The following DNMT3B variants were observed in gnomAD, a reference collection of about 807,000 sequenced individuals.
DNMT3B encodes DNA methyltransferase 3 beta, also known as DNA (cytosine-5)-methyltransferase 3B.
DNMT3B carries 37 observed loss-of-function variants against 120.2 expected under a neutral mutation model. That is an observed-to-expected ratio of 0.31 (90% confidence interval 0.24 to 0.40). DNMT3B has a LOEUF of 0.40. Ranked by LOEUF, DNMT3B falls within the 10% of genes least tolerant of loss-of-function variation. DNMT3B has a pLI of 1.00. For missense variants in DNMT3B, 878 were observed against 1,137.3 expected, an observed-to-expected ratio of 0.77 and a Z score of 3.28; for synonymous variants, 412 against 442.8, an observed-to-expected ratio of 0.93 and a Z score of 0.87.
At chr20:32,766,595 C>T (rs1987381690) in intron 1 of DNMT3B, among the ~76,000 whole-genome samples, 1 of 152,054 alleles carries the variant, frequency 6.6e-6, no homozygotes, top group African/African-American at 2.4e-5. Context: ...TTTTTATTTA[C>T]TTATTTATTT....
At chr20:32,784,621 A>T in intron 3 of DNMT3B, 137 bp from the exon 4 acceptor site, 1 of 882,016 alleles carries the variant, frequency 1.1e-6, no homozygotes, top group East Asian at 2.6e-5. Context: ...CTGCACCCAT[A>T]TGCAGTGTGT....
chr20:32,798,653 A>G lies in DNMT3B; in HGVS notation c.1674+10A>G. The G allele has an allele frequency of 6.2e-7, 1 of 1,610,174 alleles. No individual in the cohort carries two copies. The highest frequency in any genetic ancestry group is 1.1e-5 in the South Asian group (1 of 90,988). ...CACGGGGCTTGAATATGTAAGCCAC[A>G]GGCTCCCGCCTCTACCACCACAGAT... On this transcript the variant is annotated intron_variant, in intron 15 of 22. Coordinates refer to ENST00000328111, the MANE Select transcript of DNMT3B (RefSeq NM_006892.4).
chr20:32,793,391 C>T, intron 9 of DNMT3B, 145 bp from the exon 10 acceptor site: 1 of 908,532 alleles, frequency 1.1e-6, no homozygotes, highest in Non-Finnish European at 1.7e-6. Context: ...TGGCTTGAGC[C>T]CAGGAGGCAG....
In DNMT3B at chr20:32,780,250, C is replaced by G. The variant is rs1216158438; in HGVS notation, c.-6-68C>G. The stretch of plus-strand genomic sequence containing the variant: ...TGGCCTGAGAACACAGAGCCCATGG[C>G]GGGGGAACACTGTCCCTCTCATGTC... On this transcript the variant is annotated intron_variant, in intron 1 of 22. Transcript: ENST00000328111. 2.5e-6 allele frequency: 4 copies of G among 1,613,064 alleles called. No individual in the cohort carries two copies. The South Asian group carries it at 4.4e-5, about 18-fold the overall frequency.
chr20:32,763,314 G>A (rs1211332711), intron 1 of DNMT3B, among the ~76,000 whole-genome samples: 1 of 152,186 alleles, frequency 6.6e-6, no homozygotes, highest in Non-Finnish European at 1.5e-5. Flanking sequence ...GCCGTGGAGG[G>A]CGTGAGGCAG....
chr20:32,804,358 G>A (rs560635679), intron 20 of DNMT3B, among the ~76,000 whole-genome samples: 24 of 152,310 alleles, frequency 1.6e-4, no homozygotes, highest in African/African-American at 4.6e-4. Context: ...GGTCCATGTC[G>A]GAGGTAGGAA....
chr20:32,765,418 TTTTCTTTC>T (rs1353098262), intron 1 of DNMT3B, among the ~76,000 whole-genome samples: 3 of 133,372 alleles, frequency 2.2e-5, no homozygotes, highest in Admixed American at 8.3e-5. Flanking sequence ...CTTTCTCTTT[TTTTCTTTC>T]TTTTTTTTTT....
intron 20 of DNMT3B, among the ~76,000 whole-genome samples, chr20:32,804,992 C>T (rs6058894): frequency 0.081 from 12,380 of 152,156 alleles, 618 homozygotes; most frequent in African/African-American, 0.14. Flanking sequence ...AGACAGGAAG[C>T]CCAAAGGGGT....
chr20:32,787,127 C>T, intron 5 of DNMT3B, 103 bp from the exon 6 acceptor site: 2 of 1,381,976 alleles, frequency 1.4e-6, no homozygotes, highest in Middle Eastern at 1.9e-4. Flanking sequence ...TAACTTCAGT[C>T]TTTCCTCTTT....
chr20:32,801,202 G>A (rs553511280), intron 18 of DNMT3B, 76 bp from the exon 19 acceptor site: 4 of 1,607,272 alleles, frequency 2.5e-6, no homozygotes, highest in Non-Finnish European at 2.6e-6. Context: ...TTGGGAACCT[G>A]CTGGTCTCAG....
chr20:32,795,457 A>G lies in DNMT3B; in HGVS notation c.1175A>G (p.Tyr392Cys), dbSNP rs1291723327. The change falls in exon 11 of 23, where the codon TAC becomes TGC. Residue 392 changes from tyrosine to cysteine, a missense_variant. Tyr to Cys is a radical substitution (Grantham distance 194). This residue lies in a region of DNMT3B where 207 missense variants were observed against 222.6 expected (regional missense o/e 0.93). Transcript: ENST00000328111. The part of the protein sequence containing the change: ...RTADDSATSD[Y>C]CPAPKRLKTN... ...GCTGACGACTCAGCCACCTCTGACT[A>G]CTGCCCCGCACCCAAGCGCCTCAAG... is the stretch of plus-strand genomic sequence containing the variant. 1 of 1,614,128 alleles carries G rather than the reference A, an allele frequency of 6.2e-7. No homozygotes were observed. Among genetic ancestry groups the G allele is most frequent in the Admixed American group, 1.7e-5 (1 of 60,008 alleles).
chr20:32,779,523 C>T (rs1978335519), intron 1 of DNMT3B, among the ~76,000 whole-genome samples: 1 of 152,262 alleles, frequency 6.6e-6, no homozygotes, highest in African/African-American at 2.4e-5. Context: ...ATGGCCCTGG[C>T]CCTGTGTGTT....
At chr20:32,801,499 T>G (rs1196310402) in intron 19 of DNMT3B, 73 bp downstream of exon 19, 1 of 1,596,254 alleles carries the variant, frequency 6.3e-7, no homozygotes, top group Non-Finnish European at 8.6e-7. Flanking sequence ...TGATGATTGG[T>G]GGGTGTTGCC....
chr20:32,805,970 T>C (rs1981928813), intron 21 of DNMT3B, among the ~76,000 whole-genome samples: 1 of 152,184 alleles, frequency 6.6e-6, no homozygotes, highest in African/African-American at 2.4e-5. Context: ...GTCTTGGCAT[T>C]TGTGGGAAGC....
chr20:32,789,559 T>C (rs1601097854), intron 7 of DNMT3B, among the ~76,000 whole-genome samples: 1 of 152,246 alleles, frequency 6.6e-6, no homozygotes, highest in East Asian at 1.9e-4. Context: ...TGGGCATAAC[T>C]AGGCTGTTTT....
At chr20:32,766,662 A>G (rs990757249) in intron 1 of DNMT3B, among the ~76,000 whole-genome samples, 1 of 150,918 alleles carries the variant, frequency 6.6e-6, no homozygotes, top group Non-Finnish European at 1.5e-5. Context: ...GCGGTTGCTC[A>G]CTGCAACCTC....
intron 20 of DNMT3B, among the ~76,000 whole-genome samples, chr20:32,802,737 C>T (rs972078973): frequency 1.1e-4 from 17 of 152,172 alleles, no homozygotes; most frequent in African/African-American, 3.4e-4. Flanking sequence ...TGGTGGCTCA[C>T]GCCTGTAATC....
In DNMT3B at chr20:32,807,961, T is replaced by C; in HGVS notation, c.*58T>C. ...TGGCAGAGCCAGGACCCAGGAGGTG[T>C]GATTCCTGAAGGCATCCCCAGGCCC... On this transcript the variant is annotated 3_prime_UTR_variant, in exon 23 of 23. Transcript: ENST00000328111. The C allele has an allele frequency of 6.2e-7, 1 of 1,613,394 alleles. No homozygotes were observed. The highest frequency in any genetic ancestry group is 1.3e-5 in the African/African-American group (1 of 75,036).
At chr20:32,793,408 C>T in intron 9 of DNMT3B, 128 bp from the exon 10 acceptor site, 1 of 1,032,268 alleles carries the variant, frequency 9.7e-7, no homozygotes, top group Non-Finnish European at 1.5e-6. Context: ...GCAGAGGTTG[C>T]AGTGCGCCGA....
Sources: allele counts gnomAD v4.1 joint callset (sites outside exome capture counted in the v4.1 genomes callset), GRCh38; gene constraint gnomAD v4.1.1; regional missense constraint gnomAD v4.1.1; transcripts MANE v1.5; gene names NCBI Gene and HGNC (gene_info 2026-07-23, HGNC 2026-07-21).